Variants in WDR27 observed in about 807,000 individuals in gnomAD.
WDR27 encodes WD repeat-containing protein 27.
Under a neutral mutation model 114.4 loss-of-function variants are expected in WDR27, and 100 were observed. That is an observed-to-expected ratio of 0.87 (90% confidence interval 0.74 to 1.03). The LOEUF (loss-of-function observed/expected upper bound fraction) is 1.03. Among genes scored for constraint, WDR27 ranks in the 50% least tolerant of loss-of-function variants. WDR27 has a pLI of 0.00. For synonymous variants in WDR27, 449 were observed against 423.1 expected, an observed-to-expected ratio of 1.06 and a Z score of -0.75; for missense variants, 1,129 against 1,092.9, an observed-to-expected ratio of 1.03 and a Z score of -0.47.
chr6:169,560,866 A>G (rs1268132267), intron 25 of WDR27, among the ~76,000 whole-genome samples: 3 of 152,218 alleles, frequency 2.0e-5, no homozygotes, highest in Non-Finnish European at 2.9e-5. Context: ...TAAGGGACAG[A>G]AAGATCGTAT....
intron 13 of WDR27, among the ~76,000 whole-genome samples, chr6:169,652,632 G>C (rs1183268265): frequency 6.6e-6 from 1 of 152,224 alleles, no homozygotes; most frequent in Non-Finnish European, 1.5e-5. Context: ...AGTGTTGTAA[G>C]TAGAGGGAGG....
Position 169,526,738 on chromosome 6 carries a change from G to A in WDR27, c.2645+45681C>T, listed in dbSNP as rs117996011. ...ATCCACAGAATGAAAGAAAATAGTT[G>A]CCAGTTATATATTTGATATGAGTTG... On this transcript the variant is annotated intron_variant, in intron 25 of 25. Coordinates refer to ENST00000448612, the MANE Select transcript of WDR27 (RefSeq NM_182552.5). Among the ~76,000 whole-genome samples, 164 of 152,200 alleles carry A rather than the reference G, an allele frequency of 1.1e-3. 6 individuals carry two copies. The East Asian group carries it at 0.024, about 22-fold the overall frequency.
chr6:169,434,036 T>C, the WDR27 span, among the ~76,000 whole-genome samples: 1 of 152,250 alleles, frequency 6.6e-6, no homozygotes, highest in African/African-American at 2.4e-5. Flanking sequence ...ATCCTGTAGG[T>C]TGCCTATTTA....
At chr6:169,426,882 C>A in the WDR27 span, 1 of 149,136 alleles carries the variant, frequency 6.7e-6, no homozygotes, top group Non-Finnish European at 1.5e-5. Flanking sequence ...GCTGGGCCTC[C>A]TGACGAGGGC....
chr6:169,491,447 GT>G (rs1473217679), intron 25 of WDR27, among the ~76,000 whole-genome samples: 2 of 151,834 alleles, frequency 1.3e-5, no homozygotes, highest in Admixed American at 1.3e-4. Flanking sequence ...TCAAGATGAA[GT>G]TTTTAATTCA....
Position 169,634,502 on chromosome 6 carries a change from T to G in WDR27, c.2027A>C (p.Lys676Thr). The change falls in exon 20 of 26, where the codon AAG becomes ACG. Residue 676 changes from lysine (K) to threonine (T), a missense_variant. By Grantham distance (78) the Lys-to-Thr change is moderately conservative (BLOSUM62 -1). Coordinates refer to ENST00000448612, the MANE Select transcript of WDR27 (RefSeq NM_182552.5). ...CGTCGTGGAGAGCCTGCAAATCAGC[T>G]TGGACTTGCTCTTCTGTTTATATCT... The part of the protein sequence containing the change: ...IKRYKQKSKS[K>T]LICRLSTTGA... The G allele has an allele frequency of 6.2e-7, 1 of 1,612,308 alleles. No homozygotes were observed. Among genetic ancestry groups the G allele is most frequent in the Non-Finnish European group, 8.5e-7 (1 of 1,179,182 alleles).
Position 169,670,584 on chromosome 6 carries a change from G to A in WDR27, c.441C>T (p.Phe147=), listed in dbSNP as rs1778451338. ...VVAVCAGNKI[F]MLDIEQRFSV... is the part of the protein sequence containing the mutation. ...TCAATCTTACCTCAATATCCAGCAT[G>A]AATATTTTGTTTCCAGCACACACGG... The change falls in exon 4 of 26, where the codon TTC becomes TTT. Residue 147 remains phenylalanine, a synonymous_variant. Transcript: ENST00000448612. 3 of 1,613,836 alleles carry A rather than the reference G, an allele frequency of 1.9e-6. No homozygotes were observed. Among genetic ancestry groups the A allele is most frequent in the Non-Finnish European group, 2.5e-6 (3 of 1,179,900 alleles).
chr6:169,631,826 T>C (rs944901023), intron 21 of WDR27, among the ~76,000 whole-genome samples: 7 of 152,182 alleles, frequency 4.6e-5, no homozygotes, highest in Admixed American at 4.6e-4. Context: ...TCTTTCTGAT[T>C]TGAACTGATT....
chr6:169,667,653 C>CA (rs1404809718), intron 5 of WDR27, among the ~76,000 whole-genome samples: 3 of 152,256 alleles, frequency 2.0e-5, no homozygotes, highest in Non-Finnish European at 4.4e-5. Context: ...GAACCCTCCA[C>CA]ACCCTGGGAC....
intron 5 of WDR27, 137 bp from the exon 6 acceptor site, chr6:169,667,324 C>A: frequency 8.1e-7 from 1 of 1,238,856 alleles, no homozygotes; most frequent in Non-Finnish European, 1.0e-6. Context: ...AAAATGAGCA[C>A]AAAAATAATA....
At chr6:169,645,010 A>AAAAAAAAAAAAAT (rs1201056947) in intron 16 of WDR27, among the ~76,000 whole-genome samples, 5 of 61,720 alleles carry the variant, frequency 8.1e-5, no homozygotes, top group Non-Finnish European at 1.3e-4. Flanking sequence ...CTCCGTCTCA[A>AAAAAAAAAAAAAT]AAAAAAAAAA....
chr6:169,666,657 C>T, intron 6 of WDR27: 1 of 985,940 alleles, frequency 1.0e-6, no homozygotes, highest in Non-Finnish European at 1.2e-6. Context: ...GCTTCATTTA[C>T]CAACAGAAAG....
intron 6 of WDR27, 143 bp from the exon 7 acceptor site, chr6:169,665,699 AT>A: frequency 1.2e-6 from 1 of 812,992 alleles, no homozygotes; most frequent in Middle Eastern, 2.4e-4. Context: ...TTCCAAAATA[AT>A]TTCTTCACCA....
chr6:169,534,670 T>C (rs576751165), intron 25 of WDR27, among the ~76,000 whole-genome samples: 2 of 152,160 alleles, frequency 1.3e-5, no homozygotes, highest in South Asian at 2.1e-4. Flanking sequence ...ATCTAATTTA[T>C]TGTAATATAG....
chr6:169,524,723 A>C lies in WDR27; in HGVS notation c.2645+47696T>G, dbSNP rs140667649. Reference sequence around the variant, plus strand: ...TAAATGGTGCTGGGAAAACTGAATAACCATATGCAGAAGAATGAAACTGAA... The same window carrying C: ...TAAATGGTGCTGGGAAAACTGAATACCCATATGCAGAAGAATGAAACTGAA... On this transcript the variant is annotated intron_variant, in intron 25 of 25. Transcript: ENST00000448612. Among the ~76,000 whole-genome samples, 186 of 152,298 alleles carry C rather than the reference A, an allele frequency of 1.2e-3. 1 individual carries two copies. Among genetic ancestry groups the C allele is most frequent in the African/African-American group, 4.3e-3 (177 of 41,578 alleles).
chr6:169,444,592 C>T, the WDR27 span, among the ~76,000 whole-genome samples: 3 of 152,156 alleles, frequency 2.0e-5, no homozygotes, highest in Non-Finnish European at 2.9e-5. Context: ...CTCCAGAGAC[C>T]CAAGCCAGTG....
intron 25 of WDR27, among the ~76,000 whole-genome samples, chr6:169,492,453 G>A (rs1194299927): frequency 6.6e-6 from 1 of 152,112 alleles, no homozygotes; most frequent in Non-Finnish European, 1.5e-5. Flanking sequence ...ATTTGAAGAA[G>A]TAAAGGACAG....
intron 24 of WDR27, among the ~76,000 whole-genome samples, chr6:169,578,774 T>A (rs1802881048): frequency 6.6e-6 from 1 of 152,228 alleles, no homozygotes; most frequent in Admixed American, 6.5e-5. Context: ...TATTATTTTA[T>A]ACGGCATCAT....
chr6:169,532,189 T>G (rs142022950), intron 25 of WDR27, among the ~76,000 whole-genome samples: 1,546 of 152,012 alleles, frequency 0.01, 23 homozygotes, highest in African/African-American at 0.036. Context: ...TTTCTTAACT[T>G]TTTCAAACTT....
Sources: gnomAD v4.1 joint callset for allele counts (sites outside exome capture counted in the v4.1 genomes callset) on GRCh38, gnomAD v4.1.1 for gene constraint, MANE v1.5 for transcripts, NCBI Gene and HGNC (gene_info 2026-07-23, HGNC 2026-07-21) for gene names.